Variants in ATRNL1 observed in about 807,000 individuals in gnomAD.
ATRNL1 encodes the protein attractin-like protein 1.
In ATRNL1, 95 loss-of-function variants were observed where a neutral mutation model predicts 182.7. The observed-to-expected ratio is 0.52, with a 90% CI of 0.44 to 0.62. ATRNL1 has a LOEUF of 0.62. ATRNL1 is among the 20% of genes least tolerant of loss of function. The pLI is 0.00. For synonymous variants in ATRNL1, 576 were observed against 568.3 expected (o/e 1.01, Z -0.19); for missense variants, 1,471 against 1,679.5 (o/e 0.88, Z 2.17).
At chr10:115,188,836 G>C (rs1382145272) in intron 8 of ATRNL1, among the ~76,000 whole-genome samples, 2 of 152,052 alleles carry the variant, frequency 1.3e-5, no homozygotes, top group Non-Finnish European at 2.9e-5. Context: ...TGTATTAAGT[G>C]GTGGGAATTA....
In ATRNL1 at chr10:115,519,306, T is replaced by G; in HGVS notation, c.3698T>G (p.Phe1233Cys). 1 of 1,611,280 alleles carries G rather than the reference T, an allele frequency of 6.2e-7. No individual in the cohort carries two copies. Among genetic ancestry groups the G allele is most frequent in the Non-Finnish European group, 8.5e-7 (1 of 1,178,912 alleles). Residue 1233 changes from phenylalanine to cysteine, a missense_variant, in exon 25 of 29, where the codon TTT becomes TGT. By Grantham distance (205) the Phe-to-Cys change is radical. Around this residue, in one of 3 missense-constraint regions of ATRNL1, gnomAD observed 437 missense variants for 506.0 expected, o/e 0.86. Coordinates refer to ENST00000355044, the MANE Select transcript of ATRNL1 (RefSeq NM_207303.4). ...AATACAATCATGGACCTTGTGCAGT[T>G]TTTTGTCACCTTCTTCAGGTAAAAG... ...QHNTIMDLVQ[F>C]FVTFFSCFLS...
intron 15 of ATRNL1, among the ~76,000 whole-genome samples, chr10:115,295,919 A>G (rs560724947): frequency 6.6e-6 from 1 of 152,188 alleles, no homozygotes; most frequent in East Asian, 1.9e-4. Context: ...ACACTTGAGC[A>G]AGGTACACTC....
chr10:115,469,371 T>C, intron 24 of ATRNL1, 42 bp downstream of exon 24: 3 of 1,288,726 alleles, frequency 2.3e-6, no homozygotes, highest in Non-Finnish European at 3.1e-6. Context: ...CATAATATCA[T>C]TAAGAAAAGA....
intron 26 of ATRNL1, among the ~76,000 whole-genome samples, chr10:115,699,019 A>G (rs1946651161): frequency 6.6e-6 from 1 of 152,154 alleles, no homozygotes; most frequent in African/African-American, 2.4e-5. Flanking sequence ...AAAAATGGCT[A>G]TTTAGGAATA....
intron 26 of ATRNL1, among the ~76,000 whole-genome samples, chr10:115,561,453 T>G (rs1554999568): frequency 6.6e-6 from 1 of 152,086 alleles, no homozygotes; most frequent in Non-Finnish European, 1.5e-5. Flanking sequence ...AATATAACAA[T>G]AAATATAAAT....
intron 26 of ATRNL1, among the ~76,000 whole-genome samples, chr10:115,701,771 G>C (rs1019794059): frequency 2.0e-5 from 3 of 151,892 alleles, no homozygotes; most frequent in Non-Finnish European, 4.4e-5. Flanking sequence ...ATCCTGAACA[G>C]ACCAATATTG....
chr10:115,255,317 G>A (rs1420019009), intron 10 of ATRNL1, among the ~76,000 whole-genome samples: 2 of 152,128 alleles, frequency 1.3e-5, no homozygotes, highest in African/African-American at 4.8e-5. Context: ...TCGTTGAGCT[G>A]TGGTTTGTAG....
chr10:115,733,588 T>G (rs554327093), intron 27 of ATRNL1, among the ~76,000 whole-genome samples: 1 of 152,262 alleles, frequency 6.6e-6, no homozygotes, highest in South Asian at 2.1e-4. Context: ...TTAAGAGCAT[T>G]GATGGCCTCA....
intron 27 of ATRNL1, among the ~76,000 whole-genome samples, chr10:115,789,164 G>A (rs1555081099): frequency 1.3e-5 from 2 of 152,190 alleles, no homozygotes; most frequent in African/African-American, 4.8e-5. Context: ...TTTTGGTGTT[G>A]AAGTCCCTGC....
chr10:115,263,435 C>T (rs545081702), intron 10 of ATRNL1, among the ~76,000 whole-genome samples: 12 of 151,890 alleles, frequency 7.9e-5, no homozygotes, highest in African/African-American at 2.9e-4. Context: ...CTATGGAAAA[C>T]AGAATGGCAG....
At chr10:115,771,036 C>T (rs986032895) in intron 27 of ATRNL1, among the ~76,000 whole-genome samples, 7 of 152,084 alleles carry the variant, frequency 4.6e-5, no homozygotes, top group South Asian at 4.1e-4. Context: ...CTTTTGAGGA[C>T]GTCAAATGTA....
intron 27 of ATRNL1, among the ~76,000 whole-genome samples, chr10:115,842,218 A>T (rs2907550): frequency 0.16 from 24,783 of 152,020 alleles, 2,221 homozygotes; most frequent in Non-Finnish European, 0.2. Flanking sequence ...ACATATCCAC[A>T]TTAATCCTTA....
chr10:115,212,523 A>C (rs1468890240), intron 8 of ATRNL1, among the ~76,000 whole-genome samples: 2 of 152,110 alleles, frequency 1.3e-5, no homozygotes, highest in South Asian at 2.1e-4. Context: ...TATATTAATA[A>C]ATTATTCTAT....
chr10:115,341,328 T>G (rs1855743560), intron 19 of ATRNL1, among the ~76,000 whole-genome samples: 2 of 152,140 alleles, frequency 1.3e-5, no homozygotes, highest in Admixed American at 1.3e-4. Context: ...TAAATTCCTC[T>G]TGTTATTAAT....
At chr10:115,280,400 A>G (rs1339213139) in intron 13 of ATRNL1, among the ~76,000 whole-genome samples, 1 of 152,212 alleles carries the variant, frequency 6.6e-6, no homozygotes, top group Non-Finnish European at 1.5e-5. Flanking sequence ...AAAAACAGAG[A>G]AAAGAGGAAA....
chr10:115,926,815 CAA>C (rs1308127672), intron 28 of ATRNL1, among the ~76,000 whole-genome samples: 3 of 152,090 alleles, frequency 2.0e-5, no homozygotes, highest in African/African-American at 7.2e-5. Context: ...GATTCACAGC[CAA>C]ATTCTACCAG....
chr10:115,850,791 T>G (rs1177538604), intron 28 of ATRNL1, among the ~76,000 whole-genome samples: 1 of 152,204 alleles, frequency 6.6e-6, no homozygotes, highest in Non-Finnish European at 1.5e-5. Context: ...ATTTACCCTT[T>G]CCCAGATTCC....
chr10:115,840,496 A>G (rs1950781501), intron 27 of ATRNL1, among the ~76,000 whole-genome samples: 1 of 152,114 alleles, frequency 6.6e-6, no homozygotes, highest in African/African-American at 2.4e-5. Flanking sequence ...TCCTTTAATC[A>G]TTATAATAAC....
At chr10:115,713,964 C>A (rs1392261183) in intron 26 of ATRNL1, among the ~76,000 whole-genome samples, 2 of 152,150 alleles carry the variant, frequency 1.3e-5, no homozygotes, top group African/African-American at 2.4e-5. Flanking sequence ...TTGGTAACAG[C>A]AAATATTCTG....
Sources: gnomAD v4.1 joint callset for allele counts (sites outside exome capture counted in the v4.1 genomes callset) on GRCh38, gnomAD v4.1.1 for gene constraint, gnomAD v4.1.1 regional missense constraint, MANE v1.5 for transcripts, NCBI Gene and HGNC (gene_info 2026-07-23, HGNC 2026-07-21) for gene names.